Variants in LRBA observed in about 807,000 individuals in gnomAD.
The protein encoded by LRBA is LPS responsive beige-like anchor protein.
Under a neutral mutation model 330.0 loss-of-function variants are expected in LRBA, and 176 were observed. The observed-to-expected ratio is 0.53, with a 90% CI of 0.47 to 0.60. The LOEUF (loss-of-function observed/expected upper bound fraction) is 0.60, where lower values mean the gene tolerates loss of function less well. Among genes scored for constraint, LRBA ranks in the 20% least tolerant of loss-of-function variants. The pLI is 0.00. For synonymous variants in LRBA, 1,230 were observed against 1,193.0 expected (o/e 1.03, Z -0.64); for missense variants, 3,259 against 3,444.8 (o/e 0.95, Z 1.35).
At chr4:150,900,935 A>G (rs182531990) in intron 13 of LRBA, among the ~76,000 whole-genome samples, 473 of 152,278 alleles carry the variant, frequency 3.1e-3, no homozygotes, top group Non-Finnish European at 3.3e-3. Flanking sequence ...TTAACTTCGA[A>G]ATATCTCCTC....
Position 150,624,718 on chromosome 4 carries a change from T to G in LRBA, c.5922-25587A>C, listed in dbSNP as rs574806803. 1.5e-3 allele frequency among the ~76,000 whole-genome samples: 224 copies of G among 152,138 alleles called. 2 individuals carry two copies. Among genetic ancestry groups the G allele is most frequent in the Non-Finnish European group, 1.8e-3 (123 of 67,968 alleles). On this transcript the variant is annotated intron_variant, in intron 37 of 56. Coordinates refer to ENST00000651943, the MANE Select transcript of LRBA (RefSeq NM_001364905.1). ...AGATAAAGGAATTAAAAATGTCAGATCCACAAAAAAAGCATGTGATGTAAA... is the reference window on the plus strand; with the variant it reads ...AGATAAAGGAATTAAAAATGTCAGAGCCACAAAAAAAGCATGTGATGTAAA...
intron 2 of LRBA, among the ~76,000 whole-genome samples, chr4:150,993,447 G>A (rs577926030): frequency 1.3e-5 from 2 of 152,222 alleles, no homozygotes; most frequent in South Asian, 4.1e-4. Flanking sequence ...GCTCACACCT[G>A]TAACCCCAGC....
chr4:150,612,495 C>T (rs757807280), intron 37 of LRBA, among the ~76,000 whole-genome samples: 3 of 152,112 alleles, frequency 2.0e-5, no homozygotes, highest in Non-Finnish European at 4.4e-5. Context: ...AGTTGGAAGC[C>T]GGTTCTCTGA....
chr4:150,430,621 T>G (rs1024872943), intron 46 of LRBA, among the ~76,000 whole-genome samples: 1 of 152,160 alleles, frequency 6.6e-6, no homozygotes, highest in African/African-American at 2.4e-5. Flanking sequence ...TGACACTGGA[T>G]AAACACAATT....
chr4:150,915,232 A>T (rs1395457342), intron 8 of LRBA, among the ~76,000 whole-genome samples: 1 of 152,144 alleles, frequency 6.6e-6, no homozygotes, highest in Non-Finnish European at 1.5e-5. Context: ...CGTTAACAAC[A>T]TACTAGTTAA....
intron 28 of LRBA, among the ~76,000 whole-genome samples, chr4:150,841,998 G>A (rs931231607): frequency 6.6e-6 from 1 of 152,102 alleles, no homozygotes; most frequent in Admixed American, 6.6e-5. Flanking sequence ...GTTCCCTAAA[G>A]AGACTAAACT....
At position 151,014,797 on chromosome 4, in the gene LRBA, G is replaced by A. The variant is rs1223716871; in HGVS notation, c.-155C>T. The A allele has an allele frequency of 6.9e-6, 4 of 583,102 alleles. No individual in the cohort carries two copies. Among genetic ancestry groups the A allele is most frequent in the African/African-American group, 5.6e-5 (3 of 53,744 alleles). 36.1% of individuals were successfully genotyped at this position (583,102 alleles called of 1,614,324 possible). A position where few individuals can be genotyped will look rare whatever the true frequency, so the allele number is the denominator to read the frequency against. ...GTTGATGTGGAAAGTCCTTGGCGTCGCCCTCCTCCTCTTGGAGAATATTTG... is the reference window on the plus strand; with the variant it reads ...GTTGATGTGGAAAGTCCTTGGCGTCACCCTCCTCCTCTTGGAGAATATTTG... On this transcript the variant is annotated 5_prime_UTR_variant, in exon 2 of 57. Coordinates refer to ENST00000651943, the MANE Select transcript of LRBA (RefSeq NM_001364905.1).
intron 37 of LRBA, among the ~76,000 whole-genome samples, chr4:150,662,214 GATT>G (rs1581971506): frequency 6.6e-6 from 1 of 152,114 alleles, no homozygotes; most frequent in South Asian, 2.1e-4. Flanking sequence ...GAAAAATCAT[GATT>G]ATTATAATAT....
chr4:150,669,029 T>C (rs866659645), intron 37 of LRBA, among the ~76,000 whole-genome samples: 7 of 152,202 alleles, frequency 4.6e-5, no homozygotes, highest in Middle Eastern at 6.8e-3. Context: ...AAACCAGTCA[T>C]TGTGATGATT....
At chr4:150,366,680 G>T (rs1430839923) in intron 47 of LRBA, among the ~76,000 whole-genome samples, 3 of 152,104 alleles carry the variant, frequency 2.0e-5, no homozygotes, top group African/African-American at 7.2e-5. Context: ...AACTTAACTG[G>T]CTTCAAACGA....
chr4:150,778,280 G>A (rs1314890233), intron 34 of LRBA, among the ~76,000 whole-genome samples: 1 of 151,982 alleles, frequency 6.6e-6, no homozygotes, highest in Non-Finnish European at 1.5e-5. Flanking sequence ...CATCTAATAT[G>A]TACCTGTAGC....
chr4:150,380,901 G>A (rs1480841477), intron 47 of LRBA, among the ~76,000 whole-genome samples: 2 of 138,540 alleles, frequency 1.4e-5, no homozygotes, highest in Non-Finnish European at 3.0e-5. Flanking sequence ...AGAATCACTT[G>A]AACTGGGGAG....
intron 17 of LRBA, among the ~76,000 whole-genome samples, chr4:150,887,763 C>T (rs113484806): frequency 0.034 from 3,679 of 108,800 alleles, 152 homozygotes; most frequent in African/African-American, 0.11. Flanking sequence ...AGCACGACTC[C>T]GTCTCAAAAA....
At chr4:150,418,019 GTTT>G (rs201449584) in intron 46 of LRBA, among the ~76,000 whole-genome samples, 1 of 132,330 alleles carries the variant, frequency 7.6e-6, no homozygotes, top group South Asian at 2.4e-4. Context: ...TTGGTTTTTT[GTTT>G]TTTTTTTTTT....
At chr4:150,532,690 T>C (rs987991315) in intron 40 of LRBA, among the ~76,000 whole-genome samples, 1 of 152,070 alleles carries the variant, frequency 6.6e-6, no homozygotes, top group Non-Finnish European at 1.5e-5. Flanking sequence ...AACTGTCATA[T>C]AAAACAGAAA....
chr4:150,875,049 G>A (rs1753847082), intron 17 of LRBA, among the ~76,000 whole-genome samples: 1 of 151,588 alleles, frequency 6.6e-6, no homozygotes, highest in Admixed American at 6.6e-5. Context: ...TTGGTGCAAG[G>A]GGGAACCTCT....
At chr4:150,796,864 T>C (rs934647743) in intron 34 of LRBA, among the ~76,000 whole-genome samples, 1 of 151,974 alleles carries the variant, frequency 6.6e-6, no homozygotes, top group Non-Finnish European at 1.5e-5. Flanking sequence ...GAATGCTATA[T>C]GGCAATTTCT....
intron 2 of LRBA, among the ~76,000 whole-genome samples, chr4:150,989,801 T>C (rs1223724071): frequency 6.6e-6 from 1 of 151,872 alleles, no homozygotes; most frequent in Non-Finnish European, 1.5e-5. Context: ...AAAAACCTTT[T>C]TGGCACTAAT....
chr4:150,591,725 A>C (rs952688669), intron 38 of LRBA, among the ~76,000 whole-genome samples: 1 of 152,108 alleles, frequency 6.6e-6, no homozygotes, highest in Admixed American at 6.5e-5. Flanking sequence ...GCACTATGAC[A>C]AGGCAGCAAC....
Sources: gnomAD v4.1 joint callset for allele counts (sites outside exome capture counted in the v4.1 genomes callset) on GRCh38, gnomAD v4.1.1 for gene constraint, MANE v1.5 for transcripts, NCBI Gene and HGNC (gene_info 2026-07-23, HGNC 2026-07-21) for gene names.